The following LARGE1 variants were observed in gnomAD, a reference collection of about 807,000 sequenced individuals.
LARGE1 encodes xylosyl- and glucuronyltransferase LARGE1.
A neutral mutation model predicts 87.6 loss-of-function variants in LARGE1; 43 were observed. The observed-to-expected ratio is 0.49, with a 90% CI of 0.38 to 0.63. The LOEUF (loss-of-function observed/expected upper bound fraction) is 0.63, where lower values mean the gene tolerates loss of function less well. LARGE1 is among the 30% of genes least tolerant of loss of function. The pLI is 0.00. For missense variants in LARGE1, 802 were observed against 1,000.2 expected (o/e 0.80, Z 2.67); for synonymous variants, 434 against 394.6 (o/e 1.10, Z -1.18).
chr22:33,441,850 G>T (rs1374142343), intron 6 of LARGE1, among the ~76,000 whole-genome samples: 1 of 152,176 alleles, frequency 6.6e-6, no homozygotes, highest in African/African-American at 2.4e-5. Flanking sequence ...CAGGTTTGGG[G>T]AGCCCAGGTT....
chr22:33,309,385 T>G (rs944122220), intron 11 of LARGE1, among the ~76,000 whole-genome samples: 1 of 152,176 alleles, frequency 6.6e-6, no homozygotes. Context: ...CAGGCTGGTC[T>G]GGAGCTCCTG....
At chr22:33,220,117 T>C (rs1235676986) in intron 11 of LARGE1, among the ~76,000 whole-genome samples, 1 of 152,230 alleles carries the variant, frequency 6.6e-6, no homozygotes, top group Non-Finnish European at 1.5e-5. Context: ...AGAGGGCTCC[T>C]GTGAGAACCG....
At chr22:33,552,525 T>C (rs2077560122) in intron 6 of LARGE1, among the ~76,000 whole-genome samples, 1 of 151,608 alleles carries the variant, frequency 6.6e-6, no homozygotes, top group Non-Finnish European at 1.5e-5. Context: ...CAATAAAAGT[T>C]GATCAAGGAA....
rs923589475 is a variant in LARGE1, at chr22:33,781,454, T to C, written c.-82-19896A>G. 3.3e-5 allele frequency among the ~76,000 whole-genome samples: 5 copies of C among 152,018 alleles called. No individual in the cohort carries two copies. In the East Asian group the frequency reaches 5.8e-4, roughly 18 times the overall value. On this transcript the variant is annotated intron_variant, in intron 1 of 14. Coordinates refer to ENST00000397394, the MANE Select transcript of LARGE1 (RefSeq NM_133642.5). ...AGGTGGAGGTTGCAGTGAGCCAAGA[T>C]TGCACCACTGCATTCCAGCCTGGGC...
At chr22:33,217,099 C>T (rs1389660672) in intron 11 of LARGE1, among the ~76,000 whole-genome samples, 2 of 152,116 alleles carry the variant, frequency 1.3e-5, no homozygotes, top group East Asian at 1.9e-4. Context: ...CTGGACAAGA[C>T]TTTTCTATGC....
intron 11 of LARGE1, among the ~76,000 whole-genome samples, chr22:33,261,734 A>G (rs561441103): frequency 6.6e-6 from 1 of 152,342 alleles, no homozygotes; most frequent in African/African-American, 2.4e-5. Context: ...CAGAATCAGA[A>G]GACAATGACT....
intron 11 of LARGE1, among the ~76,000 whole-genome samples, chr22:33,192,006 A>C (rs901689269): frequency 5.9e-5 from 9 of 152,206 alleles, no homozygotes; most frequent in Non-Finnish European, 1.3e-4. Context: ...AAAACTGAAC[A>C]TTAAGCATAT....
chr22:33,116,960 T>C, the LARGE1 span, among the ~76,000 whole-genome samples: 85 of 152,336 alleles, frequency 5.6e-4, no homozygotes, highest in Admixed American at 5.2e-3. Context: ...AATCTTTGTA[T>C]GCTGCTAGTT....
At chr22:33,620,849 G>A (rs1479323577) in intron 4 of LARGE1, among the ~76,000 whole-genome samples, 1 of 152,112 alleles carries the variant, frequency 6.6e-6, no homozygotes, top group African/African-American at 2.4e-5. Context: ...CCCAGGAAGT[G>A]GAGGTTTCAG....
At chr22:33,416,763 C>T (rs557205338) in intron 7 of LARGE1, among the ~76,000 whole-genome samples, 40 of 151,908 alleles carry the variant, frequency 2.6e-4, no homozygotes, top group Non-Finnish European at 1.5e-4. Context: ...GCCACCAGCC[C>T]GGCTAATTTT....
At chr22:33,861,999 C>T (rs1354097327) in intron 1 of LARGE1, among the ~76,000 whole-genome samples, 2 of 151,284 alleles carry the variant, frequency 1.3e-5, no homozygotes, top group African/African-American at 4.9e-5. Context: ...GCTGGGATTA[C>T]AGGCACGCGC....
At chr22:33,288,730 T>C (rs1310871507) in intron 12 of LARGE1, among the ~76,000 whole-genome samples, 1 of 152,196 alleles carries the variant, frequency 6.6e-6, no homozygotes, top group Admixed American at 6.5e-5. Flanking sequence ...CATCATTCAA[T>C]GATACCAAGC....
chr22:33,559,204 G>A (rs575839607), intron 6 of LARGE1, among the ~76,000 whole-genome samples: 8 of 152,040 alleles, frequency 5.3e-5, no homozygotes, highest in South Asian at 4.2e-4. Context: ...TTTTTGAGAC[G>A]CAGTCTTGCT....
intron 9 of LARGE1, among the ~76,000 whole-genome samples, chr22:33,349,291 G>A (rs1288181555): frequency 6.6e-6 from 1 of 152,110 alleles, no homozygotes; most frequent in African/African-American, 2.4e-5. Flanking sequence ...CTCATAATTA[G>A]TATCTTCAGA....
intron 6 of LARGE1, among the ~76,000 whole-genome samples, chr22:33,517,273 C>T (rs561656708): frequency 2.6e-5 from 4 of 152,056 alleles, no homozygotes; most frequent in African/African-American, 7.3e-5. Flanking sequence ...TCAACCCCTC[C>T]ACACCCCTCT....
rs5994708 is a variant in LARGE1, at chr22:33,284,778, G to A, written c.1731-1430C>T. Among the ~76,000 whole-genome samples, 15 of 152,202 alleles carry A rather than the reference G, an allele frequency of 9.9e-5. 1 individual carries two copies. Among genetic ancestry groups the A allele is most frequent in the African/African-American group, 3.1e-4 (13 of 41,526 alleles). On this transcript the variant is annotated intron_variant, in intron 12 of 14. Transcript: ENST00000397394. ...TTTTTAGTAGAGACTGGGTTTCACC[G>A]TGTTGGCAGGATGGTCTTGATCTCT...
the LARGE1 span, among the ~76,000 whole-genome samples, chr22:33,137,673 C>CT: frequency 1.3e-5 from 2 of 152,024 alleles, no homozygotes; most frequent in Non-Finnish European, 2.9e-5. Context: ...TGGGACAGGC[C>CT]CAGGGTCCCT....
intron 2 of LARGE1, among the ~76,000 whole-genome samples, chr22:33,735,320 T>C (rs1019257812): frequency 1.3e-5 from 2 of 152,228 alleles, no homozygotes; most frequent in African/African-American, 4.8e-5. Context: ...TTGTTGAAGA[T>C]GCAATATAAG....
intron 2 of LARGE1, among the ~76,000 whole-genome samples, chr22:33,719,916 T>C (rs769413364): frequency 1.3e-4 from 20 of 152,166 alleles, no homozygotes; most frequent in Admixed American, 2.6e-4. Context: ...TACAGTCACA[T>C]GCTATACAGG....
Sources: gnomAD v4.1 joint callset for allele counts (sites outside exome capture counted in the v4.1 genomes callset) on GRCh38, gnomAD v4.1.1 for gene constraint, MANE v1.5 for transcripts, NCBI Gene and HGNC (gene_info 2026-07-23, HGNC 2026-07-21) for gene names.